The following SNX7 variants were observed in gnomAD, a reference collection of about 807,000 sequenced individuals.
The protein encoded by SNX7 is sorting nexin-7.
A neutral mutation model predicts 48.4 loss-of-function variants in SNX7; 35 were observed. That is an observed-to-expected ratio of 0.72 (90% CI 0.55 to 0.96). The LOEUF (loss-of-function observed/expected upper bound fraction) is 0.96. SNX7 is among the 40% of genes least tolerant of loss of function. The pLI, the probability that SNX7 is intolerant of heterozygous loss-of-function variation, is 0.00. For missense variants in SNX7, 553 were observed against 548.9 expected (o/e 1.01, Z -0.07); for synonymous variants, 190 against 190.2 (o/e 1.00, Z 0.01).
intron 8 of SNX7, among the ~76,000 whole-genome samples, chr1:98,745,245 G>A (rs949062285): frequency 6.6e-6 from 1 of 151,540 alleles, no homozygotes; most frequent in Non-Finnish European, 1.5e-5. Context: ...TTTTTTTTAT[G>A]TTGGCCATAA....
intron 4 of SNX7, among the ~76,000 whole-genome samples, chr1:98,693,706 A>G (rs1216693852): frequency 2.0e-5 from 3 of 152,248 alleles, no homozygotes; most frequent in Admixed American, 2.0e-4. Context: ...ACAGAATTGG[A>G]AATAAACAAG....
chr1:98,688,444 G>T (rs1380872269), intron 2 of SNX7, among the ~76,000 whole-genome samples: 2 of 152,122 alleles, frequency 1.3e-5, no homozygotes, highest in African/African-American at 2.4e-5. Context: ...AGAATGAAGA[G>T]ATTTAACAAG....
intron 1 of SNX7, among the ~76,000 whole-genome samples, chr1:98,668,749 T>C (rs1307181054): frequency 6.6e-6 from 1 of 152,216 alleles, no homozygotes; most frequent in East Asian, 1.9e-4. Context: ...GTGGATTAAA[T>C]GTTTACAGTT....
chr1:98,672,658 C>T (rs1342208855), intron 1 of SNX7, among the ~76,000 whole-genome samples: 2 of 151,866 alleles, frequency 1.3e-5, no homozygotes, highest in Non-Finnish European at 2.9e-5. Flanking sequence ...GGCGCGGTGG[C>T]TCACGCCTGT....
chr1:98,676,512 T>G (rs1331439255), intron 1 of SNX7, among the ~76,000 whole-genome samples: 1 of 152,186 alleles, frequency 6.6e-6, no homozygotes, highest in African/African-American at 2.4e-5. Flanking sequence ...TTTCTTCAGT[T>G]AGCATATCCT....
At chr1:98,713,129 A>T (rs754033069) in intron 7 of SNX7, among the ~76,000 whole-genome samples, 19 of 151,020 alleles carry the variant, frequency 1.3e-4, no homozygotes, top group Non-Finnish European at 2.2e-4. Flanking sequence ...TACATTGAAA[A>T]TCTGTTGTTT....
intron 7 of SNX7, among the ~76,000 whole-genome samples, chr1:98,722,900 C>T (rs894972747): frequency 1.3e-5 from 2 of 151,978 alleles, no homozygotes; most frequent in African/African-American, 4.8e-5. Flanking sequence ...AGAAATAATA[C>T]TCATAAAGCC....
intron 2 of SNX7, among the ~76,000 whole-genome samples, chr1:98,686,425 G>A (rs916671013): frequency 6.6e-6 from 1 of 152,110 alleles, no homozygotes; most frequent in Non-Finnish European, 1.5e-5. Context: ...CCTAACACAC[G>A]ATAAGTGTTC....
intron 8 of SNX7, among the ~76,000 whole-genome samples, chr1:98,751,815 T>C (rs578021398): frequency 1.3e-5 from 2 of 152,220 alleles, no homozygotes; most frequent in Admixed American, 6.6e-5. Context: ...GATTATTGCA[T>C]GAAATAAAAC....
At chr1:98,711,109 C>G (rs561363058) in intron 7 of SNX7, among the ~76,000 whole-genome samples, 1 of 152,064 alleles carries the variant, frequency 6.6e-6, no homozygotes, top group African/African-American at 2.4e-5. Context: ...CTCTGTCTCC[C>G]GGGTTCAAGT....
chr1:98,742,695 G>A (rs1215925508), intron 8 of SNX7, among the ~76,000 whole-genome samples: 2 of 152,152 alleles, frequency 1.3e-5, no homozygotes, highest in Non-Finnish European at 2.9e-5. Context: ...AATGTATGAT[G>A]AGGATAAAGA....
chr1:98,686,054 A>T (rs974405151), intron 2 of SNX7, among the ~76,000 whole-genome samples: 2 of 152,086 alleles, frequency 1.3e-5, no homozygotes, highest in African/African-American at 4.8e-5. Flanking sequence ...TATTTAGGGG[A>T]TCTCTTGCTC....
chr1:98,692,554 A>G (rs1017961317), intron 4 of SNX7, among the ~76,000 whole-genome samples: 1 of 152,170 alleles, frequency 6.6e-6, no homozygotes, highest in Non-Finnish European at 1.5e-5. Context: ...CACAATAAAA[A>G]AAATACATGG....
intron 7 of SNX7, among the ~76,000 whole-genome samples, chr1:98,707,816 C>T (rs1652088727): frequency 6.6e-6 from 1 of 152,100 alleles, no homozygotes. Context: ...TTTTGCACAG[C>T]CACATTCAGT....
At chr1:98,758,112 A>G (rs941575855) in intron 8 of SNX7, among the ~76,000 whole-genome samples, 1 of 152,104 alleles carries the variant, frequency 6.6e-6, no homozygotes, top group Admixed American at 6.6e-5. Context: ...CCTGGCATAT[A>G]GTAAGAACTC....
intron 1 of SNX7, among the ~76,000 whole-genome samples, chr1:98,666,964 T>G (rs1399524134): frequency 6.6e-6 from 1 of 152,168 alleles, no homozygotes; most frequent in Non-Finnish European, 1.5e-5. Context: ...GTGGCAGGCT[T>G]TCATGTGAAG....
intron 4 of SNX7, among the ~76,000 whole-genome samples, chr1:98,693,560 C>G (rs1468775353): frequency 6.6e-6 from 1 of 152,176 alleles, no homozygotes; most frequent in Non-Finnish European, 1.5e-5. Flanking sequence ...TCAACAGTTT[C>G]AGTAACAGCT....
chr1:98,732,901 C>A (rs1034601612), intron 7 of SNX7, among the ~76,000 whole-genome samples: 1 of 152,094 alleles, frequency 6.6e-6, no homozygotes, highest in Admixed American at 6.6e-5. Context: ...AGCTGCACAT[C>A]AGTTTTACTT....
At chr1:98,699,233 T>C (rs1651630642) in intron 6 of SNX7, among the ~76,000 whole-genome samples, 2 of 152,098 alleles carry the variant, frequency 1.3e-5, no homozygotes, top group South Asian at 4.1e-4. Flanking sequence ...TTTTAGTGCT[T>C]TGGGGATTTT....
Sources: allele counts gnomAD v4.1 joint callset (sites outside exome capture counted in the v4.1 genomes callset), GRCh38; gene constraint gnomAD v4.1.1; transcripts MANE v1.5; gene names NCBI Gene and HGNC (gene_info 2026-07-23, HGNC 2026-07-21).